LZTFL1: variants seen among roughly 807,000 people sequenced by gnomAD.
LZTFL1 encodes the protein leucine zipper transcription factor like 1.
LZTFL1 carries 25 observed loss-of-function variants against 45.9 expected under a neutral mutation model. The ratio of observed to expected loss-of-function variants is 0.54; its 90% CI spans 0.40 to 0.76. The LOEUF (loss-of-function observed/expected upper bound fraction) is 0.76. Ranked by LOEUF, LZTFL1 falls within the 30% of genes least tolerant of loss-of-function variation. LZTFL1 has a pLI of 0.00. For missense variants in LZTFL1, 277 were observed against 331.1 expected (o/e 0.84, Z 1.27); for synonymous variants, 93 against 117.4 (o/e 0.79, Z 1.35).
intron 2 of LZTFL1, among the ~76,000 whole-genome samples, chr3:45,898,084 G>A (rs1702424430): frequency 2.0e-5 from 3 of 151,088 alleles, no homozygotes; most frequent in Non-Finnish European, 2.9e-5. Context: ...ATTCACAGTC[G>A]GTACTTGCTC....
intron 2 of LZTFL1, among the ~76,000 whole-genome samples, chr3:45,890,630 G>C (rs1206460914): frequency 6.6e-6 from 1 of 151,888 alleles, no homozygotes; most frequent in Non-Finnish European, 1.5e-5. Context: ...TCACTCCACA[G>C]AGCTGAAGAT....
intron 1 of LZTFL1, among the ~76,000 whole-genome samples, chr3:45,839,263 T>C (rs552819645): frequency 1.3e-5 from 2 of 152,192 alleles, no homozygotes; most frequent in African/African-American, 2.4e-5. Context: ...TCATTACTTG[T>C]ATTTTTAGTA....
chr3:45,861,788 G>C (rs1327371131), intron 2 of LZTFL1, among the ~76,000 whole-genome samples: 13 of 152,102 alleles, frequency 8.5e-5, no homozygotes, highest in Non-Finnish European at 2.9e-5. Context: ...ACGTCTCTTA[G>C]TGTAACTAAG....
chr3:45,859,832 T>G (rs1313490255), intron 2 of LZTFL1, among the ~76,000 whole-genome samples: 2 of 152,176 alleles, frequency 1.3e-5, no homozygotes, highest in African/African-American at 4.8e-5. Flanking sequence ...AGACAGGGTT[T>G]CACCATGTTG....
chr3:45,898,383 C>T (rs1702437448), intron 2 of LZTFL1, among the ~76,000 whole-genome samples: 5 of 152,192 alleles, frequency 3.3e-5, no homozygotes, highest in African/African-American at 1.2e-4. Flanking sequence ...GGTTTCCAGA[C>T]AAGGGCCAAT....
At chr3:45,875,351 A>T (rs778694125) in intron 2 of LZTFL1, among the ~76,000 whole-genome samples, 3 of 152,212 alleles carry the variant, frequency 2.0e-5, no homozygotes, top group South Asian at 4.1e-4. Flanking sequence ...GCAAATGCCT[A>T]GTGTGTTGCT....
Position 45,893,760 on chromosome 3 carries a change from C to G in LZTFL1, c.-215+19360G>C, listed in dbSNP as rs148822398. On this transcript the variant is annotated intron_variant, in intron 2 of 4. Transcript: ENST00000472635. ...TAAAGCTGTAATAAACACTCACATA[C>G]TAGTCTTTATGGGGACATATACTTA... Among the ~76,000 whole-genome samples the G allele has an allele frequency of 1.0e-3, 158 of 152,338 alleles. No individual in the cohort carries two copies. The Middle Eastern group carries it at 0.014, about 13-fold the overall frequency.
At chr3:45,866,993 C>T (rs946085101) in intron 2 of LZTFL1, among the ~76,000 whole-genome samples, 5 of 151,598 alleles carry the variant, frequency 3.3e-5, no homozygotes, top group Admixed American at 2.0e-4. Context: ...ACTAAAAATA[C>T]AAAAATTAGC....
At position 45,872,806 on chromosome 3, in the gene LZTFL1, G is replaced by A. The variant is rs575431355; in HGVS notation, c.-214-13790C>T. On this transcript the variant is annotated intron_variant, in intron 2 of 4. Coordinates refer to the LZTFL1 transcript ENST00000472635. ...CAGGCTGATGGGGGAGGGGATTCCAGATAATCAGAGGAATTGAGAAATGCT... is the reference window on the plus strand; with the variant it reads ...CAGGCTGATGGGGGAGGGGATTCCAAATAATCAGAGGAATTGAGAAATGCT... Among the ~76,000 whole-genome samples the A allele has an allele frequency of 2.6e-5, 4 of 152,340 alleles. No homozygotes were observed. In the South Asian group the frequency reaches 8.3e-4, roughly 32 times the overall value.
At chr3:45,845,250 C>A (rs1269384973), upstream of LZTFL1, among the ~76,000 whole-genome samples, 1 of 152,122 alleles carries the variant, frequency 6.6e-6, no homozygotes, top group Non-Finnish European at 1.5e-5. Context: ...GAATAATGAA[C>A]AAGATGGGAT....
intron 4 of LZTFL1, among the ~76,000 whole-genome samples, chr3:45,849,407 T>G (rs780397365): frequency 6.6e-6 from 1 of 152,094 alleles, no homozygotes; most frequent in Non-Finnish European, 1.5e-5. Context: ...CTTTTAGAAG[T>G]CAATATTGCC....
intron 3 of LZTFL1, among the ~76,000 whole-genome samples, chr3:45,855,280 T>A (rs1701372976): frequency 6.6e-6 from 1 of 152,110 alleles, no homozygotes; most frequent in African/African-American, 2.4e-5. Flanking sequence ...ATAAGTGTAA[T>A]CCATCACATA....
intron 1 of LZTFL1, among the ~76,000 whole-genome samples, chr3:45,913,486 T>C (rs1197397370): frequency 6.6e-6 from 1 of 152,226 alleles, no homozygotes; most frequent in Non-Finnish European, 1.5e-5. Context: ...TTTTTACTAA[T>C]GCATTACATA....
intron 3 of LZTFL1, 163 bp downstream of exon 3, chr3:45,835,427 G>GT (rs1216935193): frequency 3.3e-6 from 2 of 612,588 alleles, no homozygotes; most frequent in Admixed American, 6.1e-5. Context: ...AGGGTGCTTA[G>GT]TGGTACCCAA....
At chr3:45,864,134 A>T (rs1559413003) in intron 2 of LZTFL1, among the ~76,000 whole-genome samples, 1 of 152,242 alleles carries the variant, frequency 6.6e-6, no homozygotes, top group Non-Finnish European at 1.5e-5. Context: ...ACATTTAACC[A>T]ACATACTTGT....
At chr3:45,843,967 G>A (rs1268841219), upstream of LZTFL1, among the ~76,000 whole-genome samples, 1 of 152,116 alleles carries the variant, frequency 6.6e-6, no homozygotes, top group East Asian at 1.9e-4. Context: ...TGCTGTGACA[G>A]TTTTTTAAAA....
rs1559405047 is a variant in LZTFL1, at chr3:45,838,067, G to GT, written c.4-17dup. 5 of 1,579,468 alleles carry GT rather than the reference G, an allele frequency of 3.2e-6. No individual in the cohort carries two copies. The Admixed American group carries it at 9.6e-5, about 30-fold the overall frequency. On this transcript the variant is annotated splice_polypyrimidine_tract_variant and intron_variant, in intron 1 of 9. Transcript: ENST00000296135. ...CCAACTCTGCCTGAAAAAGAAAGAG[G>GT]TAATTTAATTGTTAGTTTTGAAGAT... is the stretch of plus-strand genomic sequence containing the variant.
rs140821153 is a variant in LZTFL1, at chr3:45,881,021, G to A, written c.-214-22005C>T. On this transcript the variant is annotated intron_variant, in intron 2 of 4. Coordinates refer to the LZTFL1 transcript ENST00000472635. ...ATGAGATCTTCCAATGAGATAATGC[G>A]TGTGAGGGCAGAAGGGATGATTTTT... Among the ~76,000 whole-genome samples the A allele has an allele frequency of 3.1e-3, 479 of 152,352 alleles. 2 individuals carry two copies. Among genetic ancestry groups the A allele is most frequent in the African/African-American group, 0.01 (429 of 41,572 alleles).
At chr3:45,841,852 C>T in intron 1 of LZTFL1, 137 bp downstream of exon 1, 1 of 1,164,138 alleles carries the variant, frequency 8.6e-7, no homozygotes, top group South Asian at 1.3e-5. Flanking sequence ...CGGCGCAGCT[C>T]CCCTTCTCAG....
Sources: allele counts gnomAD v4.1 joint callset (sites outside exome capture counted in the v4.1 genomes callset), GRCh38; gene constraint gnomAD v4.1.1; transcripts MANE v1.5; gene names NCBI Gene and HGNC (gene_info 2026-07-23, HGNC 2026-07-21).